ZBTB5: variants seen among roughly 807,000 people sequenced by gnomAD.
ZBTB5 encodes zinc finger and BTB domain-containing protein 5.
In ZBTB5, 15 loss-of-function variants were observed where a neutral mutation model predicts 37.9. The ratio of observed to expected loss-of-function variants is 0.40; its 90% CI spans 0.26 to 0.61. ZBTB5 has a LOEUF of 0.61. ZBTB5 is among the 20% of genes least tolerant of loss of function. The pLI, the probability that ZBTB5 is intolerant of heterozygous loss-of-function variation, is 0.47. For synonymous variants in ZBTB5, 315 were observed against 312.4 expected, an observed-to-expected ratio of 1.01 and a Z score of -0.09; for missense variants, 708 against 856.8, an observed-to-expected ratio of 0.83 and a Z score of 2.17.
chr9:37,464,020 T>C (rs77511700), intron 1 of ZBTB5, among the ~76,000 whole-genome samples: 12,605 of 152,256 alleles, frequency 0.083, 676 homozygotes, highest in Non-Finnish European at 0.13. Context: ...ACGGTTTCCT[T>C]TGGCTTAGGG....
chr9:37,458,912 T>C (rs1457005671), intron 1 of ZBTB5, among the ~76,000 whole-genome samples: 8 of 152,348 alleles, frequency 5.3e-5, no homozygotes, highest in East Asian at 1.9e-4. Context: ...AGATTCCACA[T>C]TGCACTAATC....
intron 1 of ZBTB5, among the ~76,000 whole-genome samples, chr9:37,460,690 A>AC (rs1307035923): frequency 6.6e-6 from 1 of 150,894 alleles, no homozygotes; most frequent in Non-Finnish European, 1.5e-5. Flanking sequence ...ACATAGGGAG[A>AC]CCCCCACCTC....
rs1332717876 is a variant in ZBTB5, at chr9:37,438,691, A to C, written c.*1827T>G. On this transcript the variant is annotated 3_prime_UTR_variant, in exon 2 of 2. Transcript: ENST00000307750. ...GCTAACCCACTGTGTCCCAAGGTTA[A>C]TCTCACAAGACACTGGTCCCTACAT... 1 of 152,276 alleles carries C rather than the reference A, an allele frequency of 6.6e-6. No individual in the cohort carries two copies. Among genetic ancestry groups the C allele is most frequent in the African/African-American group, 2.4e-5 (1 of 41,440 alleles). 9.4% of individuals were successfully genotyped at this position (152,276 alleles called of 1,614,324 possible).
rs1410162559 is a variant in ZBTB5 at position 37,440,001 on chromosome 9, T to C, written c.*517A>G. 1 of 159,050 alleles carries C rather than the reference T, an allele frequency of 6.3e-6. No individual in the cohort carries two copies. The highest frequency in any genetic ancestry group is 1.4e-5 in the Non-Finnish European group (1 of 71,790). The allele number at this position is 159,050 out of a possible 1,614,324, so 9.9% of individuals were successfully genotyped here. On this transcript the variant is annotated 3_prime_UTR_variant, in exon 2 of 2. Coordinates refer to ENST00000307750, the MANE Select transcript of ZBTB5 (RefSeq NM_014872.3). ...AGGTAAAAATAAAAAATACAGTACT[T>C]TGAGGCCTAGGACTAGCTCATGATA...
At chr9:37,450,199 C>G (rs1425793293) in intron 1 of ZBTB5, among the ~76,000 whole-genome samples, 1 of 152,004 alleles carries the variant, frequency 6.6e-6, no homozygotes, top group Non-Finnish European at 1.5e-5. Flanking sequence ...CTCTTTGTTT[C>G]TTTCTTTGGC....
In ZBTB5 at chr9:37,442,537, A is replaced by G. The variant is rs776228889; in HGVS notation, c.15T>C (p.Gly5=). The part of the protein sequence containing the change: MDFP[G]HFEQIFQQLN... ...GCTGCTGGAAGATTTGTTCAAAGTG[A>G]CCAGGAAAATCCATGATCCTACAGA... The change falls in exon 2 of 2, where the codon GGT becomes GGC. Residue 5 remains glycine, a synonymous_variant. Coordinates refer to ENST00000307750, the MANE Select transcript of ZBTB5 (RefSeq NM_014872.3). 1.9e-6 allele frequency: 3 copies of G among 1,602,144 alleles called. No individual in the cohort carries two copies. The highest frequency in any genetic ancestry group is 2.6e-6 in the Non-Finnish European group (3 of 1,171,642).
Position 37,440,683 on chromosome 9 carries a change from C to A in ZBTB5, c.1869G>T (p.Leu623=). 1.2e-6 allele frequency: 2 copies of A among 1,614,234 alleles called. No homozygotes were observed. Among genetic ancestry groups the A allele is most frequent in the Non-Finnish European group, 1.7e-6 (2 of 1,180,044 alleles). ...TGTGCTTCTTGCAATCTGTCAAAGT[C>A]AGAAAAGTTTTGCAGCAGATTTTGC... ...YACKICCKTF[L]TLTDCKKHIR... Residue 623 remains leucine (L), a synonymous_variant, in exon 2 of 2, where the codon CTG becomes CTT. Transcript: ENST00000307750.
Position 37,440,948 on chromosome 9 carries a change from T to C in ZBTB5, c.1604A>G (p.Tyr535Cys). The change falls in exon 2 of 2, where the codon TAC (tyrosine) becomes TGC (cysteine). Residue 535 changes from tyrosine (Y) to cysteine (C), a missense_variant. Tyr to Cys is a radical substitution (Grantham distance 194, BLOSUM62 -2). Transcript: ENST00000307750. Reference sequence around the variant, plus strand: ...TGGCATTTTGGGAGCTATGCGGCGGTAGTAAGGAAAGTTACTGGCTCCTCC... The same window carrying C: ...TGGCATTTTGGGAGCTATGCGGCGGCAGTAAGGAAAGTTACTGGCTCCTCC... ...PRGGASNFPY[Y>C]RRIAPKMPVV... The C allele has an allele frequency of 1.2e-6, 2 of 1,614,150 alleles. No homozygotes were observed. The highest frequency in any genetic ancestry group is 2.2e-5 in the East Asian group (1 of 44,888).
chr9:37,455,076 G>A (rs530618272), intron 1 of ZBTB5, among the ~76,000 whole-genome samples: 110 of 152,288 alleles, frequency 7.2e-4, no homozygotes, highest in Non-Finnish European at 1.4e-3. Flanking sequence ...AGGCATCCCT[G>A]TTTTTGCACC....
At chr9:37,456,141 G>T (rs1240576147) in intron 1 of ZBTB5, among the ~76,000 whole-genome samples, 5 of 151,892 alleles carry the variant, frequency 3.3e-5, no homozygotes. Context: ...TGTAGATAGG[G>T]GGTTTTGCCA....
intron 1 of ZBTB5, among the ~76,000 whole-genome samples, chr9:37,456,075 T>C (rs1437508619): frequency 6.6e-6 from 1 of 151,942 alleles, no homozygotes; most frequent in East Asian, 1.9e-4. Flanking sequence ...CTCAGCCTCC[T>C]GGGTAGCTGG....
At chr9:37,450,842 G>A (rs1044986470) in intron 1 of ZBTB5, among the ~76,000 whole-genome samples, 2 of 150,824 alleles carry the variant, frequency 1.3e-5, no homozygotes, top group Non-Finnish European at 2.9e-5. Flanking sequence ...CCCAGCCTGG[G>A]CAACAGAGCA....
intron 1 of ZBTB5, 39 bp from the exon 2 acceptor site, chr9:37,442,594 A>G: frequency 6.7e-7 from 1 of 1,494,096 alleles, no homozygotes; most frequent in Middle Eastern, 1.8e-4. Flanking sequence ...AAGACCTAGA[A>G]AAGCTTCAAA....
intron 1 of ZBTB5, among the ~76,000 whole-genome samples, chr9:37,460,851 G>A (rs890294953): frequency 6.6e-6 from 1 of 151,614 alleles, no homozygotes; most frequent in Non-Finnish European, 1.5e-5. Flanking sequence ...CCAGGTGACA[G>A]AGCAAGACCC....
chr9:37,444,935 A>G (rs1201045626), intron 1 of ZBTB5, among the ~76,000 whole-genome samples: 2 of 151,992 alleles, frequency 1.3e-5, no homozygotes, highest in African/African-American at 4.8e-5. Flanking sequence ...AGCAGGAAGG[A>G]CTCCAAGGAG....
Position 37,441,512 on chromosome 9 carries a change from G to A in ZBTB5, c.1040C>T (p.Thr347Ile), listed in dbSNP as rs1442996368. The A allele has an allele frequency of 1.2e-6, 2 of 1,612,864 alleles. No homozygotes were observed. Among genetic ancestry groups the A allele is most frequent in the East Asian group, 4.5e-5 (2 of 44,792 alleles). ...PEPQDEVSDV[T>I]SQAEGSESVE... ...AGACTCGCTGCCTTCTGCTTGTGAG[G>A]TCACATCGCTCACTTCATCCTGAGG... The change falls in exon 2 of 2, where the codon ACC becomes ATC. Residue 347 changes from threonine to isoleucine, a missense_variant. Thr to Ile is a moderately conservative substitution (Grantham distance 89). This residue lies in a region of ZBTB5 where 639 missense variants were observed against 690.5 expected (regional missense o/e 0.93). Transcript: ENST00000307750.
At chr9:37,459,579 A>T in intron 1 of ZBTB5, among the ~76,000 whole-genome samples, 1 of 150,530 alleles carries the variant, frequency 6.6e-6, no homozygotes, top group Non-Finnish European at 1.5e-5. Flanking sequence ...TTTCAGGCAG[A>T]GTCTCACTCT....
chr9:37,439,593 G>A lies in ZBTB5; in HGVS notation c.*925C>T, dbSNP rs1823817051. On this transcript the variant is annotated 3_prime_UTR_variant, in exon 2 of 2. Coordinates refer to ENST00000307750, the MANE Select transcript of ZBTB5 (RefSeq NM_014872.3). ...GAAATGGAGAACAGGCTTGTCCTCG[G>A]GTAGGATGTGTCAGCCTAGACTGGC... 6.6e-6 allele frequency: 1 copy of A among 152,146 alleles called. No individual in the cohort carries two copies. The highest frequency in any genetic ancestry group is 2.1e-4 in the South Asian group (1 of 4,830). The allele number at this position is 152,146 out of a possible 1,614,324, so 9.4% of individuals were successfully genotyped here.
intron 1 of ZBTB5, among the ~76,000 whole-genome samples, chr9:37,459,011 C>T (rs1456625971): frequency 6.6e-6 from 1 of 152,180 alleles, no homozygotes; most frequent in East Asian, 1.9e-4. Context: ...AAATAATCCT[C>T]CCTTTCCAAC....
Sources: gnomAD v4.1 joint callset for allele counts (sites outside exome capture counted in the v4.1 genomes callset) on GRCh38, gnomAD v4.1.1 for gene constraint, gnomAD v4.1.1 regional missense constraint, MANE v1.5 for transcripts, NCBI Gene and HGNC (gene_info 2026-07-23, HGNC 2026-07-21) for gene names.